The following KIF15 variants were observed in gnomAD, a reference collection of about 807,000 sequenced individuals.
KIF15 encodes the protein kinesin family member 15.
KIF15 carries 140 observed loss-of-function variants against 190.6 expected under a neutral mutation model. The observed-to-expected ratio is 0.73, with a 90% CI of 0.64 to 0.84. The LOEUF (loss-of-function observed/expected upper bound fraction) is 0.84, where lower values mean the gene tolerates loss of function less well. Among genes scored for constraint, KIF15 ranks in the 40% least tolerant of loss-of-function variants. The pLI is 0.00. For synonymous variants in KIF15, 528 were observed against 551.3 expected, an observed-to-expected ratio of 0.96 and a Z score of 0.59; for missense variants, 1,372 against 1,584.4, an observed-to-expected ratio of 0.87 and a Z score of 2.28.
At chr3:44,806,175 G>A (rs1707493172) in intron 16 of KIF15, among the ~76,000 whole-genome samples, 189 bp downstream of exon 16, 2 of 152,146 alleles carry the variant, frequency 1.3e-5, no homozygotes, top group South Asian at 2.1e-4. Context: ...GGTAGGGTGG[G>A]GTAGGAAAGA....
At chr3:44,861,999 T>C in intron 6 of KIF15, 2 of 1,385,622 alleles carry the variant, frequency 1.4e-6, no homozygotes, top group Non-Finnish European at 1.9e-6. Context: ...CGGAATTCCC[T>C]CCGCACCTCC....
chr3:44,829,243 G>C (rs1697844956), intron 24 of KIF15, among the ~76,000 whole-genome samples: 1 of 150,574 alleles, frequency 6.6e-6, no homozygotes, highest in Non-Finnish European at 1.5e-5. Context: ...TGTAGTCCCA[G>C]CTACTCGAGA....
intron 32 of KIF15, among the ~76,000 whole-genome samples, chr3:44,851,383 T>G (rs930309704): frequency 6.6e-6 from 1 of 152,122 alleles, no homozygotes; most frequent in African/African-American, 2.4e-5. Flanking sequence ...ACTGAAGAAA[T>G]GAATTGAAAG....
At chr3:44,858,147 A>G (rs192919874), downstream of KIF15, among the ~76,000 whole-genome samples, 483 of 152,286 alleles carry the variant, frequency 3.2e-3, 12 homozygotes, top group Non-Finnish European at 5.0e-4. Context: ...GGGAATAGTG[A>G]AAAAAGCATC....
At chr3:44,804,880 AG>A in intron 14 of KIF15, 146 bp from the exon 15 acceptor site, 2 of 689,694 alleles carry the variant, frequency 2.9e-6, no homozygotes. Context: ...AGGCTAAAGC[AG>A]GGGGTTCACT....
At chr3:44,781,158 T>G (rs1169664316) in intron 5 of KIF15, among the ~76,000 whole-genome samples, 1 of 152,140 alleles carries the variant, frequency 6.6e-6, no homozygotes, top group African/African-American at 2.4e-5. Flanking sequence ...GAATAAACAG[T>G]TTTTCAGTAG....
At chr3:44,775,847 T>C (rs1369871105) in intron 3 of KIF15, among the ~76,000 whole-genome samples, 1 of 151,734 alleles carries the variant, frequency 6.6e-6, no homozygotes, top group African/African-American at 2.4e-5. Flanking sequence ...TTTGGGAAGC[T>C]GAGGGGGCAA....
At chr3:44,821,241 T>C (rs1263400744) in intron 20 of KIF15, among the ~76,000 whole-genome samples, 1 of 132,410 alleles carries the variant, frequency 7.6e-6, no homozygotes, top group Non-Finnish European at 1.6e-5. Context: ...ACGGGGCGGC[T>C]GGCCGGGCGG....
chr3:44,827,162 C>T (rs1697708863), intron 22 of KIF15: 3 of 385,056 alleles, frequency 7.8e-6, no homozygotes, highest in South Asian at 2.2e-5. Context: ...TCCCTGTCCT[C>T]GTGGATTTTA....
chr3:44,859,622 G>T (rs1699219318), intron 6 of KIF15, among the ~76,000 whole-genome samples: 1 of 152,152 alleles, frequency 6.6e-6, no homozygotes, highest in African/African-American at 2.4e-5. Flanking sequence ...ATCCACCACT[G>T]TACTCCAGCC....
downstream of KIF15, among the ~76,000 whole-genome samples, chr3:44,854,744 T>G (rs144421100): frequency 2.6e-5 from 4 of 152,280 alleles, no homozygotes; most frequent in East Asian, 7.7e-4. Flanking sequence ...AGGGCCACAG[T>G]CTCTCAGAGC....
In KIF15 at chr3:44,838,306, C is replaced by T. The variant is rs896642527; in HGVS notation, c.3203C>T (p.Ala1068Val). Residue 1068 changes from alanine (A) to valine (V), a missense_variant, in exon 27 of 35, where the codon GCC (alanine) becomes GTC (valine). Transcript: ENST00000326047. ...ATGCTCTGTGAGGACCTGGCTCATG[C>T]CACTGAGCAGCTGAACATGCTCACA... ...RDMLCEDLAHATEQLNMLTEA... is the reference protein window; with the variant it reads ...RDMLCEDLAHVTEQLNMLTEA... The T allele has an allele frequency of 2.5e-6, 4 of 1,613,530 alleles. No homozygotes were observed. The highest frequency in any genetic ancestry group is 2.7e-5 in the African/African-American group (2 of 74,970).
intron 12 of KIF15, 78 bp downstream of exon 12, chr3:44,801,604 T>A (rs2125638114): frequency 9.7e-7 from 1 of 1,028,944 alleles, no homozygotes; most frequent in Non-Finnish European, 1.5e-6. Flanking sequence ...CCTTACTAAG[T>A]GAAATAAATA....
intron 26 of KIF15, among the ~76,000 whole-genome samples, chr3:44,832,626 G>C (rs1013078812): frequency 3.9e-5 from 6 of 152,132 alleles, no homozygotes; most frequent in Non-Finnish European, 5.9e-5. Flanking sequence ...AAGGACCTGT[G>C]GGGTAGATAT....
chr3:44,845,546 C>G (rs1698809913), intron 30 of KIF15, among the ~76,000 whole-genome samples: 1 of 151,974 alleles, frequency 6.6e-6, no homozygotes, highest in Admixed American at 6.5e-5. Context: ...AAACTCTGGC[C>G]CCTGTGGTGG....
At chr3:44,802,694 C>T in intron 13 of KIF15, 120 bp from the exon 14 acceptor site, 1 of 950,392 alleles carries the variant, frequency 1.1e-6, no homozygotes. Flanking sequence ...ATGGTGGTTG[C>T]AGAAGGGTAC....
intron 15 of KIF15, among the ~76,000 whole-genome samples, chr3:44,805,521 T>G (rs1177955218): frequency 6.6e-6 from 1 of 152,210 alleles, no homozygotes; most frequent in Non-Finnish European, 1.5e-5. Context: ...ATAAATCACA[T>G]TCATATTATA....
At chr3:44,804,919 A>ATG in intron 14 of KIF15, 108 bp from the exon 15 acceptor site, 1 of 1,197,210 alleles carries the variant, frequency 8.4e-7, no homozygotes, top group Non-Finnish European at 1.2e-6. Flanking sequence ...GCTTTAGTAC[A>ATG]CTATGATCAT....
intron 17 of KIF15, 29 bp from the exon 18 acceptor site, chr3:44,812,153 T>C (rs1425008695): frequency 1.3e-6 from 2 of 1,489,334 alleles, no homozygotes; most frequent in African/African-American, 2.8e-5. Context: ...TTAAAATAAA[T>C]TTTGATGACT....
Sources: gnomAD v4.1 joint callset for allele counts (sites outside exome capture counted in the v4.1 genomes callset) on GRCh38, gnomAD v4.1.1 for gene constraint, MANE v1.5 for transcripts, NCBI Gene and HGNC (gene_info 2026-07-23, HGNC 2026-07-21) for gene names.